Variants in KLRD1 observed in about 807,000 individuals in gnomAD.
KLRD1 encodes natural killer cells antigen CD94.
In KLRD1, 21 loss-of-function variants were observed where a neutral mutation model predicts 22.6. That is an observed-to-expected ratio of 0.93 (90% CI 0.66 to 1.34). The LOEUF is 1.34. Among genes scored for constraint, KLRD1 ranks in the 40% most tolerant of loss-of-function variants. The pLI, the probability that KLRD1 is intolerant of heterozygous loss-of-function variation, is 0.00. For missense variants in KLRD1, 183 were observed against 208.6 expected (o/e 0.88, Z 0.76); for synonymous variants, 59 against 71.1 (o/e 0.83, Z 0.85).
chr12:10,255,458 C>G (rs558771237), intron 1 of KLRD1, among the ~76,000 whole-genome samples: 1 of 152,154 alleles, frequency 6.6e-6, no homozygotes, highest in African/African-American at 2.4e-5. Context: ...GATGTTCTTT[C>G]CAATGTATTT....
intron 1 of KLRD1, among the ~76,000 whole-genome samples, chr12:10,289,310 C>T (rs1054206459): frequency 6.6e-6 from 1 of 152,138 alleles, no homozygotes; most frequent in African/African-American, 2.4e-5. Flanking sequence ...GGTTCTTACA[C>T]CTTGCTAGGT....
At position 10,239,413 on chromosome 12, in the gene KLRD1, CTTCTTTCCATCCTTCCTTCCT is replaced by C. The variant is rs1565442997; in HGVS notation, c.-101+13184_-101+13204del. Among the ~76,000 whole-genome samples the C allele has an allele frequency of 1.1e-4, 7 of 65,666 alleles. 2 individuals carry two copies. In the South Asian group the frequency reaches 4.2e-3, roughly 39 times the overall value. 43.1% of individuals were successfully genotyped at this position (65,666 alleles called of 152,430 possible). Reference sequence around the variant, plus strand: ...TTTGGCAGCAGCATTTCCTTCCTTCCTTCTTTCCATCCTTCCTTCCTTTCCTTCCTTCCTTCCTTCCTTCCT... The same window carrying C: ...TTTGGCAGCAGCATTTCCTTCCTTCCTTCCTTCCTTCCTTCCTTCCTTCCT... On this transcript the variant is annotated intron_variant, in intron 1 of 5. Coordinates refer to the KLRD1 transcript ENST00000544747.
At chr12:10,257,482 CTTT>C (rs56871156) in intron 1 of KLRD1, among the ~76,000 whole-genome samples, 5,832 of 97,560 alleles carry the variant, frequency 0.06, 73 homozygotes, top group Non-Finnish European at 0.069. Context: ...GTAGCTGATT[CTTT>C]TTTTTTTTTT....
chr12:10,252,373 G>A (rs1023111709), intron 1 of KLRD1, among the ~76,000 whole-genome samples: 1 of 152,118 alleles, frequency 6.6e-6, no homozygotes, highest in Non-Finnish European at 1.5e-5. Context: ...GCGTGGCGAT[G>A]TGCACCTGTA....
At chr12:10,299,548 T>G (rs925295732), upstream of KLRD1, among the ~76,000 whole-genome samples, 1 of 152,196 alleles carries the variant, frequency 6.6e-6, no homozygotes, top group Non-Finnish European at 1.5e-5. Context: ...ATATCTACCT[T>G]AATTTCAAAA....
intron 1 of KLRD1, among the ~76,000 whole-genome samples, chr12:10,269,729 GTTTTTC>G (rs949513272): frequency 6.6e-6 from 1 of 151,326 alleles, no homozygotes; most frequent in Non-Finnish European, 1.5e-5. Context: ...GTTTTGGGTT[GTTTTTC>G]TTTTTTTAAT....
intron 1 of KLRD1, among the ~76,000 whole-genome samples, chr12:10,239,585 T>TTCTTTCTTTCTTTTTC: frequency 7.9e-6 from 1 of 126,912 alleles, no homozygotes; most frequent in South Asian, 2.6e-4. Flanking sequence ...CTTTCTTTCT[T>TTCTTTCTTTCTTTTTC]TTTCTTTCTT....
At chr12:10,302,232 T>G (rs1434492012), upstream of KLRD1, among the ~76,000 whole-genome samples, 1 of 152,216 alleles carries the variant, frequency 6.6e-6, no homozygotes, top group Non-Finnish European at 1.5e-5. Context: ...AACATTCAAT[T>G]TGTAAAAAAT....
At chr12:10,262,199 C>CACATTATACACTTCCAATTCTTCGTTAT (rs1949460207) in intron 1 of KLRD1, among the ~76,000 whole-genome samples, 4 of 151,768 alleles carry the variant, frequency 2.6e-5, no homozygotes, top group African/African-American at 4.8e-5. Context: ...AGAATGAATA[C>CACATTATACACTTCCAATTCTTCGTTAT]CACATTATAC....
At position 10,315,137 on chromosome 12, in the gene KLRD1, A is replaced by C. The variant is rs1592097001; in HGVS notation, c.*344A>C. ...ATTTAAATAAGATTTAATTCACATC[A>C]AATAAAATTTAGAAAATAAAATTTA... On this transcript the variant is annotated 3_prime_UTR_variant, in exon 6 of 6. Coordinates refer to ENST00000336164, the MANE Select transcript of KLRD1 (RefSeq NM_002262.5). 1 of 267,464 alleles carries C rather than the reference A, an allele frequency of 3.7e-6. No individual in the cohort carries two copies. Among genetic ancestry groups the C allele is most frequent in the East Asian group, 1.4e-4 (1 of 6,968 alleles). The allele number at this position is 267,464 out of a possible 1,614,324, so 16.6% of individuals were successfully genotyped here.
rs1950358841 is a variant in KLRD1 at position 10,326,082 on chromosome 12, C to G, written c.*11289C>G. ...GTGATATTGAGCATCATTTCATATG[C>G]CCATTGACCCTTTGTATGTTTTTTA... is the stretch of plus-strand genomic sequence containing the variant. On this transcript the variant is annotated 3_prime_UTR_variant, in exon 6 of 6. Coordinates refer to ENST00000336164, the MANE Select transcript of KLRD1 (RefSeq NM_002262.5). 6.6e-6 allele frequency: 1 copy of G among 152,080 alleles called. No individual in the cohort carries two copies. The highest frequency in any genetic ancestry group is 1.5e-5 in the Non-Finnish European group (1 of 68,014). The allele number at this position is 152,080 out of a possible 1,614,324, so 9.4% of individuals were successfully genotyped here. A position where few individuals can be genotyped will look rare whatever the true frequency, so the allele number is the denominator to read the frequency against.
chr12:10,255,069 CTAT>C (rs1949382106), intron 1 of KLRD1, among the ~76,000 whole-genome samples: 1 of 132,442 alleles, frequency 7.6e-6, no homozygotes, highest in Non-Finnish European at 1.7e-5. Flanking sequence ...GTCAGAATGC[CTAT>C]TATTAAAAAG....
In KLRD1 at chr12:10,321,224, T is replaced by C. The variant is rs1286054956; in HGVS notation, c.*6431T>C. 1 of 152,230 alleles carries C rather than the reference T, an allele frequency of 6.6e-6. No individual in the cohort carries two copies. The highest frequency in any genetic ancestry group is 1.5e-5 in the Non-Finnish European group (1 of 68,036). The allele number at this position is 152,230 out of a possible 1,614,324, so 9.4% of individuals were successfully genotyped here. On this transcript the variant is annotated 3_prime_UTR_variant, in exon 6 of 6. Coordinates refer to ENST00000336164, the MANE Select transcript of KLRD1 (RefSeq NM_002262.5). ...TCCCTCTTTTGAACAAGGATGTCTA[T>C]AGTTTGTTCTTTCGAATGTTGAGTG...
intron 1 of KLRD1, among the ~76,000 whole-genome samples, chr12:10,268,379 A>G (rs1000014066): frequency 3.3e-5 from 5 of 152,192 alleles, no homozygotes; most frequent in African/African-American, 4.8e-5. Flanking sequence ...CTGGGAATAT[A>G]AAGTGTTTGA....
intron 1 of KLRD1, among the ~76,000 whole-genome samples, chr12:10,242,075 T>TTTTTG (rs1396561826): frequency 2.0e-5 from 3 of 148,416 alleles, no homozygotes; most frequent in Non-Finnish European, 4.5e-5. Context: ...CTTGCTGTTT[T>TTTTTG]TTTTTTTTTT....
chr12:10,239,463 T>TTA (rs1381396569), intron 1 of KLRD1, among the ~76,000 whole-genome samples: 1 of 44,706 alleles, frequency 2.2e-5, no homozygotes, highest in African/African-American at 8.4e-5. Context: ...CCTTCCTTCC[T>TTA]TCCTTCCTTC....
intron 1 of KLRD1, among the ~76,000 whole-genome samples, chr12:10,252,548 T>C (rs1949355137): frequency 6.6e-6 from 1 of 152,142 alleles, no homozygotes; most frequent in Admixed American, 6.6e-5. Context: ...TCTCAAGTTA[T>C]AAGAAGTTAG....
Position 10,314,772 on chromosome 12 carries a change from C to G in KLRD1, c.519C>G (p.Ile173Met). The change falls in exon 6 of 6, where the codon ATC becomes ATG. Residue 173 changes from isoleucine to methionine, a missense_variant. Ile to Met is a conservative substitution (Grantham distance 10). Transcript: ENST00000336164. ...CCTGTGAAGATAAAAATCGTTATAT[C>G]TGTAAGCAACAGCTCATTTAAATGT... ...DESCEDKNRY[I>M]CKQQLI is the part of the protein sequence containing the mutation. 3 of 1,605,904 alleles carry G rather than the reference C, an allele frequency of 1.9e-6. No homozygotes were observed. Among genetic ancestry groups the G allele is most frequent in the Non-Finnish European group, 2.5e-6 (3 of 1,177,464 alleles).
At chr12:10,258,191 G>T (rs538881162) in intron 1 of KLRD1, among the ~76,000 whole-genome samples, 1 of 152,100 alleles carries the variant, frequency 6.6e-6, no homozygotes, top group African/African-American at 2.4e-5. Flanking sequence ...TGAGTCCAAA[G>T]GAAACAGAAT....
Sources: allele counts gnomAD v4.1 joint callset (sites outside exome capture counted in the v4.1 genomes callset), GRCh38; gene constraint gnomAD v4.1.1; transcripts MANE v1.5; gene names NCBI Gene and HGNC (gene_info 2026-07-23, HGNC 2026-07-21).